The following CCDC3 variants were observed in gnomAD, a reference collection of about 807,000 sequenced individuals.
The protein encoded by CCDC3 is coiled-coil domain containing 3.
CCDC3 carries 24 observed loss-of-function variants against 21.4 expected under a neutral mutation model. The ratio of observed to expected loss-of-function variants is 1.12; its 90% CI spans 0.81 to 1.58. The LOEUF is 1.58. Ranked by LOEUF, CCDC3 falls within the 40% of genes most tolerant of loss-of-function variation. The probability of loss-of-function intolerance (pLI) is 0.00; values close to 1 mark genes in which losing one functional copy is unlikely to be tolerated. For missense variants in CCDC3, 425 were observed against 360.9 expected (o/e 1.18, Z -1.44); for synonymous variants, 186 against 166.0 (o/e 1.12, Z -0.93).
chr10:13,087,120 C>A (rs1385670198), intron 3 of CCDC3, among the ~76,000 whole-genome samples: 1 of 152,098 alleles, frequency 6.6e-6, no homozygotes, highest in African/African-American at 2.4e-5. Flanking sequence ...GTGCTAGGAA[C>A]AAGGCCGGGC....
intron 4 of CCDC3, among the ~76,000 whole-genome samples, chr10:13,071,866 T>C (rs548218776): frequency 1.5e-4 from 23 of 152,220 alleles, no homozygotes; most frequent in South Asian, 1.5e-3. Context: ...CCTTTTTTTT[T>C]CCTCTGTCCT....
At position 12,923,656 on chromosome 10, in the gene CCDC3, G is replaced by A. The variant is rs79364039; in HGVS notation, c.550-24977C>T. The stretch of plus-strand genomic sequence containing the variant: ...GGTTTTCCTTTGGGATATGCGTCCC[G>A]GTCATTTCTATCCTTTTTTCACCTC... On this transcript the variant is annotated intron_variant, in intron 2 of 2. Coordinates refer to ENST00000378825, the MANE Select transcript of CCDC3 (RefSeq NM_031455.4). Among the ~76,000 whole-genome samples the A allele has an allele frequency of 2.6e-3, 393 of 152,228 alleles. 4 individuals are homozygous for A. Among genetic ancestry groups the A allele is most frequent in the African/African-American group, 9.1e-3 (376 of 41,536 alleles).
chr10:13,043,899 A>T (rs1344980204), intron 5 of CCDC3, among the ~76,000 whole-genome samples: 1 of 152,224 alleles, frequency 6.6e-6, no homozygotes, highest in Non-Finnish European at 1.5e-5. Flanking sequence ...GTTGAATAGT[A>T]GTTCTATTTT....
chr10:13,080,385 A>G (rs1837023180), intron 3 of CCDC3, among the ~76,000 whole-genome samples: 1 of 152,236 alleles, frequency 6.6e-6, no homozygotes, highest in Non-Finnish European at 1.5e-5. Flanking sequence ...AAATGTTACA[A>G]AAGAGAATTT....
At chr10:13,062,411 C>T (rs1231894465) in intron 4 of CCDC3, among the ~76,000 whole-genome samples, 1 of 152,146 alleles carries the variant, frequency 6.6e-6, no homozygotes, top group Non-Finnish European at 1.5e-5. Context: ...TCCAGTCCTC[C>T]TTAATGTTCC....
intron 5 of CCDC3, among the ~76,000 whole-genome samples, chr10:13,017,789 G>A (rs928187615): frequency 2.0e-5 from 3 of 152,054 alleles, no homozygotes; most frequent in African/African-American, 7.2e-5. Flanking sequence ...CTATCCCATT[G>A]GGGTTGACAT....
intron 4 of CCDC3, among the ~76,000 whole-genome samples, chr10:13,053,371 C>A (rs1466643762): frequency 6.6e-6 from 1 of 151,990 alleles, no homozygotes; most frequent in Non-Finnish European, 1.5e-5. Flanking sequence ...GAGTTCAAGA[C>A]CAGCCTGGGC....
At chr10:13,058,118 T>C (rs1295313726) in intron 4 of CCDC3, 3 of 833,838 alleles carry the variant, frequency 3.6e-6, no homozygotes, top group African/African-American at 1.7e-5. Flanking sequence ...AAATTCCTTG[T>C]TTTCAGAATC....
At chr10:12,987,088 T>A (rs970177335) in intron 2 of CCDC3, among the ~76,000 whole-genome samples, 2 of 152,154 alleles carry the variant, frequency 1.3e-5, no homozygotes, top group African/African-American at 4.8e-5. Flanking sequence ...TTCCCTGGTA[T>A]GCAGCCCTGT....
intron 3 of CCDC3, among the ~76,000 whole-genome samples, chr10:13,095,888 C>T (rs551191081): frequency 6.6e-6 from 1 of 152,236 alleles, no homozygotes; most frequent in Non-Finnish European, 1.5e-5. Flanking sequence ...TCCATCATCC[C>T]CCAAAAATCC....
At chr10:12,952,379 T>C (rs1057511231) in intron 2 of CCDC3, among the ~76,000 whole-genome samples, 1 of 152,228 alleles carries the variant, frequency 6.6e-6, no homozygotes, top group East Asian at 1.9e-4. Context: ...TCATGGACCA[T>C]GTATTGAACC....
In CCDC3 at chr10:12,898,287, A is replaced by T; in HGVS notation, c.*129T>A. ...AGCAAGCCTTGCATTTTATCCATTT[A>T]GACTCTACCAAATGCGTGATTAAAA... On this transcript the variant is annotated 3_prime_UTR_variant, in exon 3 of 3. Coordinates refer to ENST00000378825, the MANE Select transcript of CCDC3 (RefSeq NM_031455.4). 2 of 1,031,126 alleles carry T rather than the reference A, an allele frequency of 1.9e-6. No individual in the cohort carries two copies. 63.9% of individuals were successfully genotyped at this position (1,031,126 alleles called of 1,614,324 possible).
intron 4 of CCDC3, among the ~76,000 whole-genome samples, chr10:13,055,341 T>C (rs1836667703): frequency 6.6e-6 from 1 of 151,926 alleles, no homozygotes; most frequent in South Asian, 2.1e-4. Flanking sequence ...CACTTCTTTT[T>C]TTTTTTTGTA....
chr10:12,992,209 G>T (rs887419902), intron 2 of CCDC3, among the ~76,000 whole-genome samples: 2 of 152,112 alleles, frequency 1.3e-5, no homozygotes, highest in Non-Finnish European at 2.9e-5. Flanking sequence ...GGCCAACATG[G>T]TGAAACACCA....
chr10:12,984,309 C>T (rs139067528), intron 2 of CCDC3, among the ~76,000 whole-genome samples: 6 of 152,270 alleles, frequency 3.9e-5, no homozygotes, highest in Admixed American at 1.3e-4. Flanking sequence ...TAAAGATGCT[C>T]GACATCATGA....
At chr10:13,076,074 C>A (rs761347766) in intron 3 of CCDC3, among the ~76,000 whole-genome samples, 10 of 151,536 alleles carry the variant, frequency 6.6e-5, no homozygotes, top group Non-Finnish European at 1.5e-4. Context: ...AACAAGCAAA[C>A]AAAAAAACCT....
At chr10:13,017,178 G>A (rs977715022) in intron 5 of CCDC3, among the ~76,000 whole-genome samples, 1 of 151,998 alleles carries the variant, frequency 6.6e-6, no homozygotes, top group Non-Finnish European at 1.5e-5. Context: ...GTGGAAACAG[G>A]GAGACGAGCT....
At chr10:13,036,674 G>A (rs1159105869) in intron 5 of CCDC3, among the ~76,000 whole-genome samples, 1 of 151,908 alleles carries the variant, frequency 6.6e-6, no homozygotes, top group Non-Finnish European at 1.5e-5. Context: ...TAGTAGAGAT[G>A]GGGTTTCACC....
chr10:12,949,699 C>T (rs1278808424), intron 2 of CCDC3, among the ~76,000 whole-genome samples: 2 of 152,166 alleles, frequency 1.3e-5, no homozygotes, highest in Non-Finnish European at 2.9e-5. Flanking sequence ...TAAGTAATAG[C>T]CTGGCCTGGC....
Sources: allele counts gnomAD v4.1 joint callset (sites outside exome capture counted in the v4.1 genomes callset), GRCh38; gene constraint gnomAD v4.1.1; transcripts MANE v1.5; gene names NCBI Gene and HGNC (gene_info 2026-07-23, HGNC 2026-07-21).